OR51B5: variants seen among roughly 807,000 people sequenced by gnomAD.
OR51B5 encodes olfactory receptor 51B5.
For synonymous variants in OR51B5, 186 were observed against 144.8 expected (o/e 1.28, Z -2.04); for missense variants, 456 against 374.6 (o/e 1.22, Z -1.79).
rs530457736 is a variant in OR51B5, at chr11:5,381,014, A to T, written n.85-34104T>A. Among the ~76,000 whole-genome samples the T allele has an allele frequency of 9.9e-5, 15 of 152,164 alleles. No homozygotes were observed. The East Asian group carries it at 2.5e-3, about 26-fold the overall frequency. Reference sequence around the variant, plus strand: ...TTCTCCTGAAGGAATCTCCTACTTCACCAAGCCTGGCTCAGTGGGCTGGCT... The same window carrying T: ...TTCTCCTGAAGGAATCTCCTACTTCTCCAAGCCTGGCTCAGTGGGCTGGCT... On this transcript the variant is annotated intron_variant and non_coding_transcript_variant, in intron 1 of 4. Transcript: ENST00000415970.
intron 1 of OR51B5, among the ~76,000 whole-genome samples, chr11:5,374,274 G>C (rs991820245): frequency 2.6e-5 from 4 of 152,108 alleles, no homozygotes; most frequent in African/African-American, 9.7e-5. Context: ...TGAGGGTCCT[G>C]TCTGTTAGAA....
chr11:5,408,864 A>G (rs933864354), intron 1 of OR51B5, among the ~76,000 whole-genome samples: 3 of 152,174 alleles, frequency 2.0e-5, no homozygotes, highest in African/African-American at 7.2e-5. Context: ...TAATTCATAG[A>G]AAAGCATCAA....
chr11:5,358,578 G>A lies in OR51B5; in HGVS notation n.85-11668C>T, dbSNP rs759953756. ...CTACCAGAGGTACAAGGAGGAGCTG[G>A]TACCATTCCCTCTGAAACTATTCGA... On this transcript the variant is annotated intron_variant and non_coding_transcript_variant, in intron 1 of 4. Coordinates refer to the OR51B5 transcript ENST00000415970. Among the ~76,000 whole-genome samples, 60 of 152,152 alleles carry A rather than the reference G, an allele frequency of 3.9e-4. 1 individual carries two copies. The highest frequency in any genetic ancestry group is 2.9e-3 in the Admixed American group (45 of 15,284).
chr11:5,363,637 T>C (rs1849321581), intron 1 of OR51B5, among the ~76,000 whole-genome samples: 1 of 152,164 alleles, frequency 6.6e-6, no homozygotes, highest in Non-Finnish European at 1.5e-5. Context: ...ACTAAGATTA[T>C]ATTGTCTGGA....
At chr11:5,422,164 A>G in intron 1 of OR51B5, 1 of 1,428,884 alleles carries the variant, frequency 7.0e-7, no homozygotes. Flanking sequence ...TTTCTCCCTG[A>G]GTGAAGATCC....
chr11:5,493,908 C>T (rs933201062), intron 1 of OR51B5, among the ~76,000 whole-genome samples: 8 of 152,150 alleles, frequency 5.3e-5, no homozygotes, highest in African/African-American at 1.9e-4. Context: ...CCTTGTTTAT[C>T]ATATATTCAT....
chr11:5,429,458 T>C (rs1850502807), intron 1 of OR51B5, among the ~76,000 whole-genome samples: 1 of 152,098 alleles, frequency 6.6e-6, no homozygotes, highest in African/African-American at 2.4e-5. Context: ...AATATTTTCA[T>C]TGTAATTGGA....
intron 1 of OR51B5, among the ~76,000 whole-genome samples, chr11:5,399,791 A>G (rs1228702927): frequency 1.3e-5 from 2 of 152,044 alleles, no homozygotes; most frequent in Non-Finnish European, 2.9e-5. Flanking sequence ...CAAGAAAGAA[A>G]AAAAAAGGAA....
intron 1 of OR51B5, among the ~76,000 whole-genome samples, chr11:5,463,541 T>C (rs1851090705): frequency 6.6e-6 from 1 of 152,234 alleles, no homozygotes; most frequent in East Asian, 1.9e-4. Flanking sequence ...GTCACTATCT[T>C]TTACTCAATC....
intron 1 of OR51B5, among the ~76,000 whole-genome samples, chr11:5,452,204 TG>T (rs2133785451): frequency 6.6e-6 from 1 of 152,142 alleles, no homozygotes; most frequent in Non-Finnish European, 1.5e-5. Context: ...ACATGTTAAA[TG>T]GTATAAAGAT....
At chr11:5,351,268 C>T (rs889143112) in intron 1 of OR51B5, among the ~76,000 whole-genome samples, 1 of 151,992 alleles carries the variant, frequency 6.6e-6, no homozygotes, top group Non-Finnish European at 1.5e-5. Flanking sequence ...TAGCTGTATC[C>T]CCAACGTAGT....
chr11:5,403,079 C>T (rs1009936169), intron 1 of OR51B5: 3 of 471,608 alleles, frequency 6.4e-6, no homozygotes, highest in Admixed American at 2.3e-5. Context: ...CTCATGGCTC[C>T]GTTGCCCATT....
At chr11:5,482,653 T>A (rs191810874) in intron 1 of OR51B5, among the ~76,000 whole-genome samples, 742 of 103,966 alleles carry the variant, frequency 7.1e-3, no homozygotes, top group Middle Eastern at 0.027. Flanking sequence ...CTCAAACAAA[T>A]TTACAGGAAA....
intron 1 of OR51B5, among the ~76,000 whole-genome samples, chr11:5,355,836 G>T (rs1055909230): frequency 1.3e-5 from 2 of 152,124 alleles, no homozygotes; most frequent in Admixed American, 1.3e-4. Context: ...GTAATGCCCT[G>T]CTCTGATTCC....
chr11:5,437,219 A>C (rs371376334), intron 1 of OR51B5, among the ~76,000 whole-genome samples: 207 of 152,134 alleles, frequency 1.4e-3, no homozygotes, highest in South Asian at 0.01. Flanking sequence ...AACACCCCCC[A>C]CAGTTATCCA....
chr11:5,357,121 T>A (rs1270189903), intron 1 of OR51B5, among the ~76,000 whole-genome samples: 2 of 151,798 alleles, frequency 1.3e-5, no homozygotes, highest in Admixed American at 6.6e-5. Context: ...AATTCACACA[T>A]AACAATATTA....
At chr11:5,448,858 T>C (rs966276622) in intron 1 of OR51B5, among the ~76,000 whole-genome samples, 6 of 152,228 alleles carry the variant, frequency 3.9e-5, no homozygotes, top group African/African-American at 1.2e-4. Flanking sequence ...TTAAACCTTC[T>C]AGTTATTCAC....
rs1850923076 is a variant in OR51B5, at chr11:5,454,509, A to G, written n.84+51060T>C. ...TCGTCATCATCATCATCAAAGTATA[A>G]GATAGATTGTGTGCTGCGGGAAAAG... On this transcript the variant is annotated intron_variant and non_coding_transcript_variant, in intron 1 of 4. Transcript: ENST00000415970. The G allele has an allele frequency of 2.3e-5, 27 of 1,169,748 alleles. No individual in the cohort carries two copies. The South Asian group carries it at 3.6e-4, about 16-fold the overall frequency. 72.5% of individuals were successfully genotyped at this position (1,169,748 alleles called of 1,614,324 possible).
At chr11:5,347,405 T>C (rs10768830), upstream of OR51B5, among the ~76,000 whole-genome samples, 10,590 of 152,102 alleles carry the variant, frequency 0.07, 417 homozygotes, top group South Asian at 0.11. Context: ...TGAACGCACA[T>C]TCTGCAGTTA....
Sources: gnomAD v4.1 joint callset for allele counts (sites outside exome capture counted in the v4.1 genomes callset) on GRCh38, gnomAD v4.1.1 for gene constraint, MANE v1.5 for transcripts, NCBI Gene and HGNC (gene_info 2026-07-23, HGNC 2026-07-21) for gene names.